Variants in NDRG3 observed in about 807,000 individuals in gnomAD.
NDRG3 encodes the protein NDRG family member 3.
NDRG3 carries 23 observed loss-of-function variants against 57.2 expected under a neutral mutation model. The observed-to-expected ratio is 0.40, with a 90% CI of 0.29 to 0.57. The LOEUF is 0.57. Ranked by LOEUF, NDRG3 falls within the 20% of genes least tolerant of loss-of-function variation. NDRG3 has a pLI of 0.42. For synonymous variants in NDRG3, 132 were observed against 162.6 expected (o/e 0.81, Z 1.43); for missense variants, 384 against 457.3 (o/e 0.84, Z 1.46).
intron 2 of NDRG3, among the ~76,000 whole-genome samples, chr20:36,709,266 G>A (rs1983733235): frequency 6.6e-6 from 1 of 152,166 alleles, no homozygotes; most frequent in East Asian, 1.9e-4. Flanking sequence ...GGGCAGTACA[G>A]ACACAGAACA....
intron 1 of NDRG3, among the ~76,000 whole-genome samples, chr20:36,727,020 G>A (rs1372660932): frequency 1.3e-5 from 2 of 151,414 alleles, no homozygotes; most frequent in African/African-American, 4.9e-5. Context: ...AGGTTCAAGT[G>A]ATTCTCCTGC....
In NDRG3 at chr20:36,680,970, A is replaced by G. The variant is rs942172858; in HGVS notation, c.445-68T>C. On this transcript the variant is annotated intron_variant, in intron 7 of 15. Coordinates refer to ENST00000349004, the MANE Select transcript of NDRG3 (RefSeq NM_032013.4). ...CACAGTTCTTCTAAACAGTTGGAAC[A>G]TGGTTGATCAATTCTTACTTACATG... The G allele has an allele frequency of 2.3e-6, 3 of 1,302,648 alleles. No homozygotes were observed. In the African/African-American group the frequency reaches 4.4e-5, roughly 19 times the overall value. The allele number at this position is 1,302,648 out of a possible 1,614,324, so 80.7% of individuals were successfully genotyped here.
chr20:36,682,827 G>A (rs1252685778), intron 6 of NDRG3, among the ~76,000 whole-genome samples: 4 of 151,984 alleles, frequency 2.6e-5, no homozygotes, highest in South Asian at 2.1e-4. Flanking sequence ...CGAGGCAGGC[G>A]GATCACGAGG....
intron 1 of NDRG3, among the ~76,000 whole-genome samples, chr20:36,738,106 T>G (rs1454386145): frequency 6.6e-6 from 1 of 151,930 alleles, no homozygotes; most frequent in African/African-American, 2.4e-5. Context: ...AATTTAGGTA[T>G]CGTTATTATC....
intron 2 of NDRG3, among the ~76,000 whole-genome samples, chr20:36,715,537 G>A (rs1436539109): frequency 2.0e-5 from 3 of 150,282 alleles, no homozygotes; most frequent in Admixed American, 6.7e-5. Flanking sequence ...CAACCTTGGA[G>A]CTGGGTGCGG....
intron 3 of NDRG3, 92 bp downstream of exon 3, chr20:36,706,880 G>T: frequency 9.4e-7 from 1 of 1,069,320 alleles, no homozygotes; most frequent in Non-Finnish European, 1.4e-6. Flanking sequence ...TAGCTATAAT[G>T]AGAGATCCAC....
At chr20:36,684,346 C>T in intron 6 of NDRG3, 67 bp downstream of exon 6, 1 of 1,325,108 alleles carries the variant, frequency 7.5e-7, no homozygotes, top group South Asian at 1.2e-5. Flanking sequence ...TCCTCTGAAA[C>T]AGACACTAAA....
At chr20:36,724,324 C>T (rs1984787705) in intron 1 of NDRG3, among the ~76,000 whole-genome samples, 1 of 152,286 alleles carries the variant, frequency 6.6e-6, no homozygotes, top group African/African-American at 2.4e-5. Context: ...TGTTTAACCT[C>T]CCTATAGGAC....
Position 36,684,849 on chromosome 20 carries a change from CAA to C in NDRG3, c.321-376_321-375del, listed in dbSNP as rs397962989. On this transcript the variant is annotated intron_variant, in intron 5 of 15. Transcript: ENST00000349004. ...GGGCAACAAGAGCAAAACTCCGCCT[CAA>C]AAAAAAAAAAAAATCTTAGATAAAA... Among the ~76,000 whole-genome samples the C allele has an allele frequency of 1.6e-4, 18 of 110,558 alleles. 1 individual carries two copies. The highest frequency in any genetic ancestry group is 4.8e-4 in the African/African-American group (15 of 31,338). The allele number at this position is 110,558 out of a possible 152,430, so 72.5% of individuals were successfully genotyped here.
intron 1 of NDRG3, among the ~76,000 whole-genome samples, chr20:36,738,545 A>G (rs1175775474): frequency 6.6e-6 from 1 of 151,936 alleles, no homozygotes; most frequent in Non-Finnish European, 1.5e-5. Context: ...AAATGGGGCT[A>G]GGCATAGTGG....
chr20:36,653,650 G>A lies in NDRG3; in HGVS notation c.998C>T (p.Ser333Leu). ...RLARSRTHST[S>L]SSLGSGESPF... ...ACTTTCTCCAGAGCCGAGGCTACTC[G>A]AGGTTGAGTGGGTTCGTGATCGGGC... is the stretch of plus-strand genomic sequence containing the variant. The change falls in exon 16 of 16, where the codon TCG becomes TTG. Residue 333 changes from serine to leucine, a missense_variant. Transcript: ENST00000349004. The surrounding 1 kb of genome is among the most constrained non-coding windows in gnomAD (Gnocchi z 4.2). 4.3e-6 allele frequency: 7 copies of A among 1,614,164 alleles called. No individual in the cohort carries two copies. Among genetic ancestry groups the A allele is most frequent in the Non-Finnish European group, 5.1e-6 (6 of 1,180,050 alleles).
intron 13 of NDRG3, among the ~76,000 whole-genome samples, chr20:36,657,394 A>C (rs1443374632): frequency 6.6e-6 from 1 of 152,068 alleles, no homozygotes; most frequent in South Asian, 2.1e-4. Context: ...AGGCTGACAC[A>C]GAAGAATCAC....
chr20:36,681,163 C>T (rs1198210231), intron 7 of NDRG3, among the ~76,000 whole-genome samples: 1 of 152,124 alleles, frequency 6.6e-6, no homozygotes, highest in Non-Finnish European at 1.5e-5. Context: ...TGCAGTTGTT[C>T]AATTCATGGT....
chr20:36,676,165 G>A (rs994716596), intron 8 of NDRG3, among the ~76,000 whole-genome samples: 3 of 151,960 alleles, frequency 2.0e-5, no homozygotes, highest in Admixed American at 1.3e-4. Flanking sequence ...GCGTGAACCC[G>A]GGAGGCGGAG....
At chr20:36,689,473 G>A (rs143800572) in intron 3 of NDRG3, among the ~76,000 whole-genome samples, 2 of 152,266 alleles carry the variant, frequency 1.3e-5, no homozygotes, top group East Asian at 3.9e-4. Context: ...AGGTTTTGGA[G>A]CTTCTGAACA....
At chr20:36,722,924 G>C (rs1476845923) in intron 1 of NDRG3, among the ~76,000 whole-genome samples, 2 of 152,194 alleles carry the variant, frequency 1.3e-5, no homozygotes, top group African/African-American at 4.8e-5. Context: ...ACTAGTTCTA[G>C]GGGAAGCTAG....
intron 8 of NDRG3, among the ~76,000 whole-genome samples, chr20:36,675,853 G>A (rs899009370): frequency 2.0e-5 from 3 of 152,142 alleles, no homozygotes; most frequent in Admixed American, 2.0e-4. Flanking sequence ...CATTTGACAA[G>A]TTGGGTGGTG....
chr20:36,722,333 T>C (rs2148198926), intron 1 of NDRG3, among the ~76,000 whole-genome samples: 1 of 152,172 alleles, frequency 6.6e-6, no homozygotes, highest in East Asian at 1.9e-4. Context: ...GACACCTTGA[T>C]CGCCATGTTG....
chr20:36,697,486 C>T (rs188892876), intron 3 of NDRG3, among the ~76,000 whole-genome samples: 325 of 152,246 alleles, frequency 2.1e-3, no homozygotes, highest in African/African-American at 7.3e-3. Context: ...GCTGGTGGAT[C>T]ACCTGAGGTC....
Sources: allele counts gnomAD v4.1 joint callset (sites outside exome capture counted in the v4.1 genomes callset), GRCh38; gene constraint gnomAD v4.1.1; non-coding constraint Gnocchi (gnomAD v3.1); transcripts MANE v1.5; gene names NCBI Gene and HGNC (gene_info 2026-07-23, HGNC 2026-07-21).